The following KCNH1 variants were observed in gnomAD, a reference collection of about 807,000 sequenced individuals.
KCNH1 encodes the protein potassium voltage-gated channel subfamily H member 1.
Under a neutral mutation model 69.2 loss-of-function variants are expected in KCNH1, and 27 were observed. That is an observed-to-expected ratio of 0.39 (90% confidence interval 0.29 to 0.54). KCNH1 has a LOEUF of 0.54. Among genes scored for constraint, KCNH1 ranks in the 20% least tolerant of loss-of-function variants. The pLI, the probability that KCNH1 is intolerant of heterozygous loss-of-function variation, is 0.68. For synonymous variants in KCNH1, 456 were observed against 487.7 expected, an observed-to-expected ratio of 0.93 and a Z score of 0.86; for missense variants, 798 against 1,261.6, an observed-to-expected ratio of 0.63 and a Z score of 5.57.
chr1:210,919,746 G>A lies in KCNH1; in HGVS notation c.1356C>T (p.Ser452=). The change falls in exon 7 of 11, where the codon TCC becomes TCT. Residue 452 remains serine (S), a synonymous_variant. Coordinates refer to ENST00000271751, the MANE Select transcript of KCNH1 (RefSeq NM_172362.3). The surrounding 1 kb of genome is among the most constrained non-coding windows in gnomAD (Gnocchi z 4.2). ...GGCTGGTCATTGTGAAATACAACGA[G>A]GAGATGTAGACAGAATTCTTGCTGG... ...GGPSKNSVYI[S]SLYFTMTSLT... The A allele has an allele frequency of 6.2e-7, 1 of 1,614,188 alleles. No homozygotes were observed. Among genetic ancestry groups the A allele is most frequent in the South Asian group, 1.1e-5 (1 of 91,088 alleles).
chr1:210,913,579 C>T (rs542914983), intron 7 of KCNH1, among the ~76,000 whole-genome samples: 6 of 152,236 alleles, frequency 3.9e-5, no homozygotes, highest in African/African-American at 1.4e-4. Flanking sequence ...GAGGATACAG[C>T]CCAAACCACA....
chr1:210,745,929 G>A (rs1481509144), intron 10 of KCNH1, among the ~76,000 whole-genome samples: 1 of 152,178 alleles, frequency 6.6e-6, no homozygotes, highest in Non-Finnish European at 1.5e-5. Flanking sequence ...ACTAGAGGGG[G>A]GGTGGTGCTT....
intron 10 of KCNH1, among the ~76,000 whole-genome samples, chr1:210,718,392 A>ATGCATATATTTATATAT (rs1231017097): frequency 5.8e-5 from 1 of 17,152 alleles, no homozygotes; most frequent in African/African-American, 4.2e-4. Context: ...ATATTTATAT[A>ATGCATATATTTATATAT]TAAAATATAT....
At chr1:211,015,326 A>G (rs186014929) in intron 6 of KCNH1, among the ~76,000 whole-genome samples, 67 of 152,362 alleles carry the variant, frequency 4.4e-4, no homozygotes, top group African/African-American at 1.5e-3. Context: ...TATTAGGAAT[A>G]GAGAAGAGTC....
chr1:210,977,247 G>GA (rs1413344492), intron 6 of KCNH1, among the ~76,000 whole-genome samples: 2 of 152,068 alleles, frequency 1.3e-5, no homozygotes, highest in African/African-American at 4.8e-5. Flanking sequence ...TGAACAATGA[G>GA]AACACTAGGA....
At chr1:211,105,042 G>A (rs1169802641) in intron 2 of KCNH1, among the ~76,000 whole-genome samples, 4 of 152,250 alleles carry the variant, frequency 2.6e-5, no homozygotes, top group Middle Eastern at 3.4e-3. Flanking sequence ...TGTGAATTCC[G>A]TATCACAGTT....
intron 7 of KCNH1, among the ~76,000 whole-genome samples, chr1:210,825,001 A>G (rs1229693892): frequency 1.3e-5 from 2 of 152,194 alleles, no homozygotes; most frequent in Non-Finnish European, 2.9e-5. Flanking sequence ...ATTGGAAACT[A>G]TTGAACTCAC....
intron 10 of KCNH1, among the ~76,000 whole-genome samples, chr1:210,771,169 A>T (rs1325498604): frequency 6.6e-6 from 1 of 152,170 alleles, no homozygotes; most frequent in Non-Finnish European, 1.5e-5. Context: ...AAGCGCATAG[A>T]CCTTGCACCC....
intron 6 of KCNH1, among the ~76,000 whole-genome samples, chr1:210,950,439 A>C (rs187607252): frequency 0.015 from 2,045 of 140,016 alleles, 37 homozygotes; most frequent in Middle Eastern, 0.029. Context: ...TCATTGTTCA[A>C]TTCCCACCTA....
chr1:210,925,301 T>A (rs1368674027), intron 6 of KCNH1, among the ~76,000 whole-genome samples: 1 of 152,250 alleles, frequency 6.6e-6, no homozygotes, highest in Non-Finnish European at 1.5e-5. Context: ...GAGCAGCATG[T>A]GGAGACTCAT....
intron 6 of KCNH1, among the ~76,000 whole-genome samples, chr1:211,007,269 T>C (rs1209986148): frequency 6.6e-6 from 1 of 152,212 alleles, no homozygotes; most frequent in Non-Finnish European, 1.5e-5. Flanking sequence ...AATCATAAGA[T>C]GTCTGCATGG....
rs181311928 is a variant in KCNH1, at chr1:210,900,386, T to C, written c.1462+19254A>G. 3.3e-5 allele frequency among the ~76,000 whole-genome samples: 5 copies of C among 152,348 alleles called. No homozygotes were observed. The East Asian group carries it at 9.6e-4, about 29-fold the overall frequency. On this transcript the variant is annotated intron_variant, in intron 7 of 10. Coordinates refer to ENST00000271751, the MANE Select transcript of KCNH1 (RefSeq NM_172362.3). ...TTTACAAGTTCTTTTTGTTGGTTTC[T>C]TTATTTTTCAGCTACATACATCTTT...
chr1:210,854,093 C>T (rs1288893597), intron 7 of KCNH1, among the ~76,000 whole-genome samples: 1 of 151,754 alleles, frequency 6.6e-6, no homozygotes, highest in Non-Finnish European at 1.5e-5. Flanking sequence ...ATTTATAATG[C>T]TATGTTAAGT....
chr1:210,887,778 C>A (rs4378273), intron 7 of KCNH1, among the ~76,000 whole-genome samples: 2 of 145,036 alleles, frequency 1.4e-5, no homozygotes, highest in African/African-American at 5.2e-5. Context: ...TGATAAAACA[C>A]ACTTTAAACC....
chr1:210,856,803 ATATATATAT>A (rs376407298), intron 7 of KCNH1, among the ~76,000 whole-genome samples: 1 of 129,104 alleles, frequency 7.7e-6, no homozygotes, highest in African/African-American at 2.9e-5. Context: ...ATTTATATTT[ATATATATAT>A]TATATATATT....
At chr1:210,738,820 C>T (rs1682946378) in intron 10 of KCNH1, among the ~76,000 whole-genome samples, 2 of 152,130 alleles carry the variant, frequency 1.3e-5, no homozygotes, top group Admixed American at 6.6e-5. Context: ...CCTGCATCAG[C>T]TTCCCAAAGT....
intron 5 of KCNH1, among the ~76,000 whole-genome samples, chr1:211,060,110 T>G (rs1690404271): frequency 6.6e-6 from 1 of 151,476 alleles, no homozygotes; most frequent in Non-Finnish European, 1.5e-5. Context: ...ACATGGAAAT[T>G]TAAAAATATG....
chr1:210,698,761 T>C (rs1161339394), intron 10 of KCNH1, among the ~76,000 whole-genome samples: 1 of 152,044 alleles, frequency 6.6e-6, no homozygotes, highest in Non-Finnish European at 1.5e-5. Flanking sequence ...CAAATCCCAT[T>C]ATGGAGAGGA....
chr1:210,909,461 G>T (rs1687181576), intron 7 of KCNH1, among the ~76,000 whole-genome samples: 1 of 152,218 alleles, frequency 6.6e-6, no homozygotes. Context: ...TGGCCCTGGA[G>T]TGAACACTAG....
Sources: gnomAD v4.1 joint callset for allele counts (sites outside exome capture counted in the v4.1 genomes callset) on GRCh38, gnomAD v4.1.1 for gene constraint, Gnocchi (gnomAD v3.1) non-coding constraint, MANE v1.5 for transcripts, NCBI Gene and HGNC (gene_info 2026-07-23, HGNC 2026-07-21) for gene names.